ULK2: variants seen among roughly 807,000 people sequenced by gnomAD.
ULK2 encodes unc-51 like autophagy activating kinase 2, also known as serine/threonine-protein kinase ULK2.
Under a neutral mutation model 127.5 loss-of-function variants are expected in ULK2, and 76 were observed. The observed-to-expected ratio is 0.60, with a 90% CI of 0.50 to 0.72. The LOEUF (loss-of-function observed/expected upper bound fraction) is 0.72. ULK2 is among the 30% of genes least tolerant of loss of function. The pLI is 0.00. For missense variants in ULK2, 1,144 were observed against 1,295.9 expected (o/e 0.88, Z 1.80); for synonymous variants, 452 against 461.9 (o/e 0.98, Z 0.28).
chr17:19,795,379 G>A (rs445958), intron 20 of ULK2, among the ~76,000 whole-genome samples: 123,940 of 137,158 alleles, frequency 0.9, 56,665 homozygotes, highest in Non-Finnish European at 0.97. Flanking sequence ...AAAAATCTTC[G>A]TCAGAACTCC....
intron 3 of ULK2, among the ~76,000 whole-genome samples, chr17:19,850,859 C>T (rs868240319): frequency 6.6e-6 from 1 of 151,658 alleles, no homozygotes; most frequent in Non-Finnish European, 1.5e-5. Flanking sequence ...AGGTCTAGAT[C>T]GATCTAGACC....
intron 10 of ULK2, among the ~76,000 whole-genome samples, chr17:19,835,524 G>A (rs1012297685): frequency 6.7e-6 from 1 of 149,732 alleles, no homozygotes; most frequent in African/African-American, 2.5e-5. Flanking sequence ...AAACCATCCT[G>A]GCTAACACGG....
rs2041115772 is a variant in ULK2 at position 19,820,574 on chromosome 17, T to A, written c.925-3654A>T. 2.0e-5 allele frequency among the ~76,000 whole-genome samples: 3 copies of A among 152,234 alleles called. No homozygotes were observed. In the South Asian group the frequency reaches 6.2e-4, roughly 32 times the overall value. The stretch of plus-strand genomic sequence containing the variant: ...GGAGCTACCAGCTAGCTAAGGCTAC[T>A]AAGCACTTGAAATGTGGCTGGTGTG... On this transcript the variant is annotated intron_variant, in intron 12 of 26. Transcript: ENST00000395544.
At chr17:19,860,740 T>C (rs540948740) in intron 3 of ULK2, among the ~76,000 whole-genome samples, 28 of 152,238 alleles carry the variant, frequency 1.8e-4, no homozygotes, top group African/African-American at 6.7e-4. Context: ...GTCACGCTGG[T>C]CTCAAACTCC....
At position 19,849,487 on chromosome 17, in the gene ULK2, A is replaced by G. The variant is rs1186290424; in HGVS notation, c.259-82T>C. The G allele has an allele frequency of 3.0e-6, 4 of 1,350,266 alleles. No individual in the cohort carries two copies. The East Asian group carries it at 9.8e-5, about 33-fold the overall frequency. 83.6% of individuals were successfully genotyped at this position (1,350,266 alleles called of 1,614,324 possible). On this transcript the variant is annotated intron_variant, in intron 4 of 26. Coordinates refer to ENST00000395544, the MANE Select transcript of ULK2 (RefSeq NM_014683.4). ...ATCCATTCTCAATTGTGATTAAAAAATCATTTGTATATAATGTCATGTAAA... is the reference window on the plus strand; with the variant it reads ...ATCCATTCTCAATTGTGATTAAAAAGTCATTTGTATATAATGTCATGTAAA...
rs1478035713 is a variant in ULK2, at chr17:19,774,305, T to A, written c.*2044A>T. 1 of 152,572 alleles carries A rather than the reference T, an allele frequency of 6.6e-6. No individual in the cohort carries two copies. The highest frequency in any genetic ancestry group is 1.5e-5 in the Non-Finnish European group (1 of 68,030). The allele number at this position is 152,572 out of a possible 1,614,324, so 9.5% of individuals were successfully genotyped here. A position where few individuals can be genotyped will look rare whatever the true frequency, so the allele number is the denominator to read the frequency against. On this transcript the variant is annotated 3_prime_UTR_variant, in exon 27 of 27. Transcript: ENST00000395544. ...AGACTTCACTGTTTCACACACACCA[T>A]CTACCCCAAGACCTTTAATATACAA...
At chr17:19,785,252 C>T (rs532447015) in intron 21 of ULK2, among the ~76,000 whole-genome samples, 1 of 152,102 alleles carries the variant, frequency 6.6e-6, no homozygotes, top group Non-Finnish European at 1.5e-5. Context: ...TCGCTCGTTA[C>T]CCAGGCTGGA....
intron 12 of ULK2, among the ~76,000 whole-genome samples, chr17:19,821,244 T>C (rs755855515): frequency 3.9e-4 from 59 of 152,092 alleles, no homozygotes; most frequent in Non-Finnish European, 7.9e-4. Flanking sequence ...GAGGCAGAGG[T>C]TGCAGTGAGC....
chr17:19,783,194 T>TG (rs1822090649), intron 22 of ULK2, among the ~76,000 whole-genome samples: 1 of 152,138 alleles, frequency 6.6e-6, no homozygotes, highest in Non-Finnish European at 1.5e-5. Context: ...TGCTCACGCC[T>TG]GTAATCCTAG....
chr17:19,786,466 C>A (rs1266836655), intron 20 of ULK2, among the ~76,000 whole-genome samples: 1 of 152,118 alleles, frequency 6.6e-6, no homozygotes, highest in Admixed American at 6.5e-5. Flanking sequence ...GTAATCCCAG[C>A]ACTTTGGGAG....
chr17:19,843,841 G>A (rs1280533197), intron 7 of ULK2, among the ~76,000 whole-genome samples: 1 of 151,824 alleles, frequency 6.6e-6, no homozygotes, highest in Non-Finnish European at 1.5e-5. Context: ...TGTATTTTTA[G>A]TAGAGACAAG....
intron 20 of ULK2, among the ~76,000 whole-genome samples, chr17:19,786,689 G>A (rs2087039440): frequency 6.8e-6 from 1 of 146,308 alleles, no homozygotes; most frequent in Non-Finnish European, 1.5e-5. Flanking sequence ...ACTCCAGCCT[G>A]GGTGACAGAG....
chr17:19,777,983 C>A (rs916598171), intron 25 of ULK2, among the ~76,000 whole-genome samples: 1 of 152,222 alleles, frequency 6.6e-6, no homozygotes, highest in Non-Finnish European at 1.5e-5. Context: ...CCCTTCTAAA[C>A]TGGCTCTTTT....
In ULK2 at chr17:19,780,571, TGTAA is replaced by T; in HGVS notation, c.2813_2816del (p.Leu938GlnfsTer4). 3 of 1,613,980 alleles carry T rather than the reference TGTAA, an allele frequency of 1.9e-6. No homozygotes were observed. Among genetic ancestry groups the T allele is most frequent in the Non-Finnish European group, 2.5e-6 (3 of 1,179,934 alleles). ...CAGAGAAGAATCGATTCAGCTTTTC[TGTAA>T]GTTTCTTGCACATGGTGATGCAGAA... On this transcript the variant is annotated frameshift_variant, in exon 25 of 27. Transcript: ENST00000395544. LOFTEE classifies it high-confidence loss of function.
At position 19,774,200 on chromosome 17, in the gene ULK2, A is replaced by G. The variant is rs1310197102; in HGVS notation, c.*2149T>C. On this transcript the variant is annotated 3_prime_UTR_variant, in exon 27 of 27. Transcript: ENST00000395544. Reference sequence around the variant, plus strand: ...TTATTATTGCTATACTCAAGGCAAAATCTCTTAATTAGCCTTGATAATGGA... The same window carrying G: ...TTATTATTGCTATACTCAAGGCAAAGTCTCTTAATTAGCCTTGATAATGGA... The G allele has an allele frequency of 1.3e-5, 2 of 152,680 alleles. No individual in the cohort carries two copies. The highest frequency in any genetic ancestry group is 2.9e-5 in the Non-Finnish European group (2 of 68,046). The allele number at this position is 152,680 out of a possible 1,614,324, so 9.5% of individuals were successfully genotyped here. A position where few individuals can be genotyped will look rare whatever the true frequency, so the allele number is the denominator to read the frequency against.
intron 26 of ULK2, 26 bp from the exon 27 acceptor site, chr17:19,776,433 G>A (rs754075795): frequency 8.4e-6 from 13 of 1,550,206 alleles, no homozygotes; most frequent in Admixed American, 3.9e-5. Context: ...CAAAAATGAA[G>A]AACTAATGAA....
chr17:19,785,887 C>T, intron 21 of ULK2, 50 bp downstream of exon 21: 1 of 1,577,390 alleles, frequency 6.3e-7, no homozygotes, highest in Non-Finnish European at 8.6e-7. Context: ...TGTCAAAACA[C>T]TACATTCCAA....
At chr17:19,781,751 G>A in intron 23 of ULK2, 138 bp downstream of exon 23, 2 of 978,572 alleles carry the variant, frequency 2.0e-6, no homozygotes, top group Non-Finnish European at 2.9e-6. Flanking sequence ...ATAGTGAAAT[G>A]TAGTACAAAG....
In ULK2 at chr17:19,824,386, G is replaced by A. The variant is rs373863101; in HGVS notation, c.924+708C>T. The stretch of plus-strand genomic sequence containing the variant: ...CGCTTAAACCCAGGAGGCGGAGGTT[G>A]CAGTGAGCCAAGATGGAGCCACTAA... On this transcript the variant is annotated intron_variant, in intron 12 of 26. Transcript: ENST00000395544. Among the ~76,000 whole-genome samples, 19 of 144,316 alleles carry A rather than the reference G, an allele frequency of 1.3e-4. 1 individual carries two copies. The highest frequency in any genetic ancestry group is 6.2e-4 in the East Asian group (3 of 4,812). The allele number at this position is 144,316 out of a possible 152,430, so 94.7% of individuals were successfully genotyped here.
Sources: allele counts gnomAD v4.1 joint callset (sites outside exome capture counted in the v4.1 genomes callset), GRCh38; gene constraint gnomAD v4.1.1; transcripts MANE v1.5; gene names NCBI Gene and HGNC (gene_info 2026-07-23, HGNC 2026-07-21).